Variants in RASSF5 observed in about 807,000 individuals in gnomAD.
RASSF5 encodes the protein ras association domain-containing protein 5.
In RASSF5, 25 loss-of-function variants were observed where a neutral mutation model predicts 40.5. The ratio of observed to expected loss-of-function variants is 0.62; its 90% CI spans 0.45 to 0.86. RASSF5 has a LOEUF of 0.86. Ranked by LOEUF, RASSF5 falls within the 40% of genes least tolerant of loss-of-function variation. The pLI is 0.00. For synonymous variants in RASSF5, 246 were observed against 252.4 expected, an observed-to-expected ratio of 0.97 and a Z score of 0.24; for missense variants, 521 against 572.8, an observed-to-expected ratio of 0.91 and a Z score of 0.92.
chr1:206,584,336 A>G lies in RASSF5; in HGVS notation c.691-51A>G. The G allele has an allele frequency of 6.5e-7, 1 of 1,546,082 alleles. No homozygotes were observed. Among genetic ancestry groups the G allele is most frequent in the Non-Finnish European group, 8.8e-7 (1 of 1,142,314 alleles). ...GCAATGGCCCCGAGTGGCAGATATGATCATGCAAGGCGGACGGCCCTGACC... is the reference window on the plus strand; with the variant it reads ...GCAATGGCCCCGAGTGGCAGATATGGTCATGCAAGGCGGACGGCCCTGACC... On this transcript the variant is annotated intron_variant, in intron 3 of 5. Transcript: ENST00000579436. The surrounding 1 kb of genome is among the most constrained non-coding windows in gnomAD (Gnocchi z 4.9).
intron 2 of RASSF5, among the ~76,000 whole-genome samples, chr1:206,555,977 T>A (rs1180497087): frequency 6.6e-6 from 1 of 152,154 alleles, no homozygotes; most frequent in Non-Finnish European, 1.5e-5. Context: ...TCCCCAGGAC[T>A]GGATTGTTTC....
chr1:206,557,214 C>T, intron 2 of RASSF5: 3 of 1,058,200 alleles, frequency 2.8e-6, no homozygotes, highest in Non-Finnish European at 3.4e-6. Context: ...GGGGGAGGTG[C>T]GGAGATGGCG....
At position 206,579,994 on chromosome 1, in the gene RASSF5, C is replaced by T. The variant is rs368889869; in HGVS notation, c.580-3275C>T. Among the ~76,000 whole-genome samples, 18 of 152,318 alleles carry T rather than the reference C, an allele frequency of 1.2e-4. No individual in the cohort carries two copies. Among genetic ancestry groups the T allele is most frequent in the African/African-American group, 2.6e-4 (11 of 41,574 alleles). ...TGACATTCGTAGTGTTGGCTACACACGGGGCTCCTGGCACTCCCAGACAGG... is the reference window on the plus strand; with the variant it reads ...TGACATTCGTAGTGTTGGCTACACATGGGGCTCCTGGCACTCCCAGACAGG... On this transcript the variant is annotated intron_variant, in intron 2 of 5. Coordinates refer to ENST00000579436, the MANE Select transcript of RASSF5 (RefSeq NM_182663.4). The surrounding 1 kb of genome is among the most constrained non-coding windows in gnomAD (Gnocchi z 4.2).
intron 2 of RASSF5, among the ~76,000 whole-genome samples, chr1:206,566,225 C>CCA (rs1375805221): frequency 6.6e-6 from 1 of 152,174 alleles, no homozygotes; most frequent in African/African-American, 2.4e-5. Context: ...GCTCATCCCA[C>CCA]CACACACACA....
intron 1 of RASSF5, among the ~76,000 whole-genome samples, chr1:206,534,992 A>G (rs1188237770): frequency 7.2e-5 from 11 of 152,114 alleles, no homozygotes; most frequent in Non-Finnish European, 1.5e-4. Context: ...GCACTTTGGG[A>G]GGCAGAGGTG....
At position 206,586,811 on chromosome 1, in the gene RASSF5, C is replaced by T. The variant is rs1669135052; in HGVS notation, c.1105-15C>T. ...TATTCTGTTTCTTCCCACAAATCTC[C>T]CTCTCGCCTCACAGTGGGATGCCTT... is the stretch of plus-strand genomic sequence containing the variant. On this transcript the variant is annotated splice_polypyrimidine_tract_variant and intron_variant, in intron 5 of 5. Coordinates refer to ENST00000579436, the MANE Select transcript of RASSF5 (RefSeq NM_182663.4). 3 of 1,607,220 alleles carry T rather than the reference C, an allele frequency of 1.9e-6. No individual in the cohort carries two copies. The highest frequency in any genetic ancestry group is 2.6e-6 in the Non-Finnish European group (3 of 1,174,886).
In RASSF5 at chr1:206,513,138, C is replaced by T. The variant is rs969417170; in HGVS notation, c.457+5079C>T. Among the ~76,000 whole-genome samples the T allele has an allele frequency of 1.3e-5, 2 of 152,216 alleles. No individual in the cohort carries two copies. Among genetic ancestry groups the T allele is most frequent in the African/African-American group, 4.8e-5 (2 of 41,452 alleles). ...AGCACCTCTGTGTGAGAGGCTGCTA[C>T]CTGAGGTGGGATGGCCATGGGTGGG... is the stretch of plus-strand genomic sequence containing the variant. On this transcript the variant is annotated intron_variant, in intron 1 of 5. Transcript: ENST00000579436. The surrounding 1 kb of genome is among the most constrained non-coding windows in gnomAD (Gnocchi z 5.0).
At chr1:206,559,615 T>C (rs1163154837) in intron 2 of RASSF5, among the ~76,000 whole-genome samples, 2 of 152,210 alleles carry the variant, frequency 1.3e-5, no homozygotes, top group African/African-American at 2.4e-5. Context: ...TTGAGGCCTC[T>C]GTATATCTTC....
chr1:206,564,469 C>T (rs1668230232), intron 2 of RASSF5, among the ~76,000 whole-genome samples: 1 of 152,200 alleles, frequency 6.6e-6, no homozygotes, highest in Admixed American at 6.5e-5. Flanking sequence ...TCCACCCACC[C>T]AAGCAGTTTA....
intron 1 of RASSF5, chr1:206,518,283 G>C: frequency 2.5e-6 from 1 of 396,106 alleles, no homozygotes; most frequent in East Asian, 3.6e-5. Flanking sequence ...CCAGGTGACT[G>C]TCCAGGTCAT....
At position 206,586,882 on chromosome 1, in the gene RASSF5, G is replaced by A. The variant is rs1553407767; in HGVS notation, c.1161G>A (p.Glu387=). 8.1e-6 allele frequency: 13 copies of A among 1,614,016 alleles called. No homozygotes were observed. The Admixed American group carries it at 2.2e-4, about 27-fold the overall frequency. Residue 387 remains glutamate, a synonymous_variant, in exon 6 of 6, where the codon GAG becomes GAA. Transcript: ENST00000579436. ...ACTTCCTAACAATCCTGGAAAAAGA[G>A]GAGCAGGACAAAATCCAACAAGTGC... ...LQNFLTILEK[E]EQDKIQQVQK...
intron 1 of RASSF5, among the ~76,000 whole-genome samples, chr1:206,537,631 T>C (rs546396513): frequency 2.0e-5 from 3 of 152,328 alleles, no homozygotes; most frequent in Admixed American, 2.0e-4. Context: ...AAATCAAAAA[T>C]CCGAATTGCT....
intron 2 of RASSF5, among the ~76,000 whole-genome samples, chr1:206,539,777 C>T (rs778022357): frequency 4.6e-5 from 7 of 152,294 alleles, no homozygotes; most frequent in African/African-American, 1.7e-4. Flanking sequence ...CAGATGTTTC[C>T]TGAAGGTTTT....
chr1:206,537,304 C>T (rs916079216), intron 1 of RASSF5, among the ~76,000 whole-genome samples: 6 of 152,164 alleles, frequency 3.9e-5, no homozygotes, highest in Non-Finnish European at 5.9e-5. Context: ...GTGCTTCCCC[C>T]GCTGAATCCC....
chr1:206,547,516 G>C (rs1558508179), intron 2 of RASSF5, among the ~76,000 whole-genome samples: 1 of 151,926 alleles, frequency 6.6e-6, no homozygotes, highest in Non-Finnish European at 1.5e-5. Context: ...ATCACCCCCA[G>C]ATGGGACCAT....
In RASSF5 at chr1:206,507,698, G is replaced by C. The variant is rs977724049; in HGVS notation, c.96G>C (p.Glu32Asp). 2 of 1,493,742 alleles carry C rather than the reference G, an allele frequency of 1.3e-6. No homozygotes were observed. Among genetic ancestry groups the C allele is most frequent in the African/African-American group, 2.9e-5 (2 of 68,554 alleles). 92.5% of individuals were successfully genotyped at this position (1,493,742 alleles called of 1,614,324 possible). The change falls in exon 1 of 6, where the codon GAG becomes GAC. Residue 32 changes from glutamate (E) to aspartate (D), a missense_variant. Coordinates refer to ENST00000579436, the MANE Select transcript of RASSF5 (RefSeq NM_182663.4). ...PRYLQSLSGP[E>D]LPPPPPDRSS... ...ATCTACAGAGCCTGAGCGGCCCCGA[G>C]CTACCGCCGCCGCCCCCCGACCGGT... is the stretch of plus-strand genomic sequence containing the variant.
At chr1:206,538,322 G>A in intron 2 of RASSF5, 29 bp downstream of exon 2, 1 of 1,611,074 alleles carries the variant, frequency 6.2e-7, no homozygotes, top group Admixed American at 1.7e-5. Flanking sequence ...GTACCAAGCT[G>A]GGAACAGCCT....
chr1:206,558,131 C>A, intron 2 of RASSF5, among the ~76,000 whole-genome samples: 1 of 152,218 alleles, frequency 6.6e-6, no homozygotes, highest in East Asian at 1.9e-4. Context: ...TTGGGACTTC[C>A]GTATTTGAAG....
Position 206,583,390 on chromosome 1 carries a change from G to T in RASSF5, c.690+11G>T. The stretch of plus-strand genomic sequence containing the variant: ...CTGGGCATGAAACTGGTAAGCGCCC[G>T]TCCACCCTCAACCTGGCCCCTGCTC... On this transcript the variant is annotated intron_variant, in intron 3 of 5. Transcript: ENST00000579436. The T allele has an allele frequency of 6.3e-7, 1 of 1,585,294 alleles. No individual in the cohort carries two copies. Among genetic ancestry groups the T allele is most frequent in the Non-Finnish European group, 8.7e-7 (1 of 1,153,926 alleles).
Sources: allele counts gnomAD v4.1 joint callset (sites outside exome capture counted in the v4.1 genomes callset), GRCh38; gene constraint gnomAD v4.1.1; non-coding constraint Gnocchi (gnomAD v3.1); transcripts MANE v1.5; gene names NCBI Gene and HGNC (gene_info 2026-07-23, HGNC 2026-07-21).